The following GREB1L variants were observed in gnomAD, a reference collection of about 807,000 sequenced individuals.
The protein encoded by GREB1L is GREB1 like retinoic acid receptor coactivator.
Under a neutral mutation model 200.8 loss-of-function variants are expected in GREB1L, and 17 were observed. The observed-to-expected ratio is 0.08, with a 90% CI of 0.06 to 0.13. The LOEUF (loss-of-function observed/expected upper bound fraction) is 0.13. GREB1L is among the 10% of genes least tolerant of loss of function. The probability of loss-of-function intolerance (pLI) is 1.00; values close to 1 mark genes in which losing one functional copy is unlikely to be tolerated. For synonymous variants in GREB1L, 789 were observed against 893.0 expected (o/e 0.88, Z 2.08); for missense variants, 1,657 against 2,367.7 (o/e 0.70, Z 6.23).
chr18:21,413,902 A>G (rs1233655670), intron 7 of GREB1L, among the ~76,000 whole-genome samples: 1 of 152,242 alleles, frequency 6.6e-6, no homozygotes, highest in African/African-American at 2.4e-5. Flanking sequence ...TACACTAGCC[A>G]AAATATTTTA....
At chr18:21,360,458 T>C (rs1348784477) in intron 1 of GREB1L, among the ~76,000 whole-genome samples, 1 of 152,200 alleles carries the variant, frequency 6.6e-6, no homozygotes, top group Non-Finnish European at 1.5e-5. Context: ...ACTCCTCACC[T>C]TAGGTGATCC....
intron 2 of GREB1L, among the ~76,000 whole-genome samples, chr18:21,377,121 A>G (rs1198133575): frequency 6.6e-6 from 1 of 152,054 alleles, no homozygotes; most frequent in Non-Finnish European, 1.5e-5. Flanking sequence ...ACTACAAACC[A>G]CCACAACATT....
chr18:21,437,446 T>G (rs1568010359), intron 7 of GREB1L, among the ~76,000 whole-genome samples: 2 of 152,168 alleles, frequency 1.3e-5, no homozygotes, highest in African/African-American at 4.8e-5. Context: ...AACTTTATAA[T>G]GCCAAGGATT....
chr18:21,311,953 G>A (rs1175414208), intron 1 of GREB1L, among the ~76,000 whole-genome samples: 1 of 152,074 alleles, frequency 6.6e-6, no homozygotes, highest in Admixed American at 6.6e-5. Flanking sequence ...GTACCCAATA[G>A]ATATTTTTCC....
chr18:21,330,070 T>G (rs184253677), intron 1 of GREB1L, among the ~76,000 whole-genome samples: 1 of 151,958 alleles, frequency 6.6e-6, no homozygotes, highest in East Asian at 1.9e-4. Context: ...AAACCATAAT[T>G]AAGCCAGTTC....
At chr18:21,383,449 A>ATTTT (rs2040405754) in intron 2 of GREB1L, 61 bp from the exon 3 acceptor site, 1 of 1,262,010 alleles carries the variant, frequency 7.9e-7, no homozygotes, top group Non-Finnish European at 1.1e-6. Flanking sequence ...CTGTACTTTG[A>ATTTT]GACATAGAAC....
At chr18:21,286,358 T>A (rs1034297022) in intron 1 of GREB1L, among the ~76,000 whole-genome samples, 2 of 152,192 alleles carry the variant, frequency 1.3e-5, no homozygotes, top group Admixed American at 1.3e-4. Flanking sequence ...TTCTTCATTC[T>A]GTAGGGTAAA....
intron 5 of GREB1L, 124 bp from the exon 6 acceptor site, chr18:21,401,023 TGAA>T: frequency 4.1e-6 from 3 of 729,498 alleles, no homozygotes; most frequent in South Asian, 2.0e-5. Flanking sequence ...TTTTTCCCTC[TGAA>T]TTATTTCCTT....
At chr18:21,514,118 C>A in intron 28 of GREB1L, 132 bp downstream of exon 28, 1 of 762,688 alleles carries the variant, frequency 1.3e-6, no homozygotes, top group Non-Finnish European at 2.1e-6. Flanking sequence ...CATGAGACCA[C>A]CCTCACTAGA....
intron 7 of GREB1L, among the ~76,000 whole-genome samples, chr18:21,406,383 G>A (rs2030237707): frequency 6.6e-6 from 1 of 152,182 alleles, no homozygotes; most frequent in African/African-American, 2.4e-5. Context: ...TTGTGAGGAT[G>A]TAAGTGGTAA....
intron 5 of GREB1L, among the ~76,000 whole-genome samples, chr18:21,399,660 T>C (rs1379110155): frequency 2.0e-5 from 3 of 152,226 alleles, no homozygotes; most frequent in Non-Finnish European, 4.4e-5. Context: ...AAGTCATTTA[T>C]AAAATTATAT....
intron 7 of GREB1L, among the ~76,000 whole-genome samples, chr18:21,410,625 A>T (rs1389056906): frequency 2.0e-5 from 3 of 151,966 alleles, no homozygotes. Context: ...ACTGCACTCC[A>T]GCCTGGGAGA....
chr18:21,520,894 T>C, intron 32 of GREB1L, 71 bp downstream of exon 32: 1 of 1,361,378 alleles, frequency 7.3e-7, no homozygotes, highest in Non-Finnish European at 9.8e-7. Context: ...AAGATAAAGA[T>C]ATTTTTAAAA....
chr18:21,270,490 A>T (rs538276227), intron 1 of GREB1L, among the ~76,000 whole-genome samples: 2 of 152,296 alleles, frequency 1.3e-5, no homozygotes, highest in African/African-American at 4.8e-5. Context: ...CATCATGTCT[A>T]GAGCCAGGCC....
chr18:21,388,543 T>C (rs946374742), intron 4 of GREB1L, among the ~76,000 whole-genome samples: 1 of 134,976 alleles, frequency 7.4e-6, no homozygotes, highest in Admixed American at 7.4e-5. Context: ...CTTTTTTTTT[T>C]TTTTTTTTTT....
intron 1 of GREB1L, among the ~76,000 whole-genome samples, chr18:21,359,767 C>T (rs2039556611): frequency 6.6e-6 from 1 of 152,180 alleles, no homozygotes; most frequent in South Asian, 2.1e-4. Context: ...CTCTGTGGTA[C>T]ATCAATTACT....
At chr18:21,401,863 G>A (rs1180170569) in intron 6 of GREB1L, 1 of 152,238 alleles carries the variant, frequency 6.6e-6, no homozygotes, top group Non-Finnish European at 1.5e-5. Flanking sequence ...ACATCTTCAT[G>A]TGCTTGACAG....
intron 17 of GREB1L, among the ~76,000 whole-genome samples, chr18:21,478,191 G>A (rs960758097): frequency 1.3e-5 from 2 of 152,076 alleles, no homozygotes; most frequent in African/African-American, 4.8e-5. Context: ...ATGGGATGAT[G>A]GCACTGTTAC....
chr18:21,387,494 C>G (rs1295647126), intron 4 of GREB1L: 1 of 152,168 alleles, frequency 6.6e-6, no homozygotes, highest in Non-Finnish European at 1.5e-5. Flanking sequence ...TATTTGTATG[C>G]CTGTTATCAC....
Sources: allele counts gnomAD v4.1 joint callset (sites outside exome capture counted in the v4.1 genomes callset), GRCh38; gene constraint gnomAD v4.1.1; transcripts MANE v1.5; gene names NCBI Gene and HGNC (gene_info 2026-07-23, HGNC 2026-07-21).